TSPAN2: variants seen among roughly 807,000 people sequenced by gnomAD.
TSPAN2 encodes tetraspanin 2, also known as tetraspanin-2.
In TSPAN2, 24 loss-of-function variants were observed where a neutral mutation model predicts 33.3. The observed-to-expected ratio is 0.72, with a 90% CI of 0.52 to 1.01. The LOEUF (loss-of-function observed/expected upper bound fraction) is 1.01, where lower values mean the gene tolerates loss of function less well. TSPAN2 is among the 50% of genes least tolerant of loss of function. The probability of loss-of-function intolerance (pLI) is 0.00; values close to 1 mark genes in which losing one functional copy is unlikely to be tolerated. For missense variants in TSPAN2, 278 were observed against 281.3 expected, an observed-to-expected ratio of 0.99 and a Z score of 0.08; for synonymous variants, 114 against 104.5, an observed-to-expected ratio of 1.09 and a Z score of -0.56.
intron 2 of TSPAN2, among the ~76,000 whole-genome samples, chr1:115,066,355 A>T (rs1647950462): frequency 6.6e-6 from 1 of 152,144 alleles, no homozygotes; most frequent in Admixed American, 6.5e-5. Flanking sequence ...TTATATTCCC[A>T]CCAATAGTGT....
chr1:115,081,571 T>C (rs978031139), intron 1 of TSPAN2, among the ~76,000 whole-genome samples: 2 of 152,178 alleles, frequency 1.3e-5, no homozygotes, highest in African/African-American at 4.8e-5. Context: ...TTCTACGCAT[T>C]TGGGTTTGAA....
intron 1 of TSPAN2, among the ~76,000 whole-genome samples, chr1:115,088,873 C>T (rs1046875786): frequency 1.3e-5 from 2 of 152,192 alleles, no homozygotes; most frequent in African/African-American, 4.8e-5. Flanking sequence ...CCATCACAGC[C>T]AGGTACAGTG....
At position 115,062,284 on chromosome 1, in the gene TSPAN2, C is replaced by T. The variant is rs377155628; in HGVS notation, c.173-52G>A. 65 of 1,420,888 alleles carry T rather than the reference C, an allele frequency of 4.6e-5. 1 individual carries two copies. The highest frequency in any genetic ancestry group is 2.8e-4 in the African/African-American group (20 of 70,618). The allele number at this position is 1,420,888 out of a possible 1,614,324, so 88.0% of individuals were successfully genotyped here. ...ACTGAGAGCCAACCGAGTGCCTCCA[C>T]GACCAACTAGGCTTAAGACTCTGGG... On this transcript the variant is annotated intron_variant, in intron 2 of 7. Transcript: ENST00000369516.
chr1:115,079,092 T>G (rs1648521452), intron 1 of TSPAN2, among the ~76,000 whole-genome samples: 1 of 151,962 alleles, frequency 6.6e-6, no homozygotes, highest in Non-Finnish European at 1.5e-5. Context: ...AATGTATACA[T>G]GCCTTCCACT....
intron 1 of TSPAN2, among the ~76,000 whole-genome samples, chr1:115,088,196 G>C (rs1648918467): frequency 6.6e-6 from 1 of 152,212 alleles, no homozygotes; most frequent in African/African-American, 2.4e-5. Context: ...GCTTGGAGTT[G>C]CTGAAGTCAC....
chr1:115,073,627 T>G (rs1276625289), intron 1 of TSPAN2, among the ~76,000 whole-genome samples: 1 of 151,986 alleles, frequency 6.6e-6, no homozygotes, highest in East Asian at 1.9e-4. Context: ...GGGATGGTTT[T>G]GCTGGTAGGG....
intron 1 of TSPAN2, among the ~76,000 whole-genome samples, chr1:115,075,234 T>C (rs1010717025): frequency 5.9e-5 from 9 of 152,286 alleles, no homozygotes; most frequent in African/African-American, 1.7e-4. Context: ...TTTAAAGCCA[T>C]TGGGCAATGG....
chr1:115,064,137 G>C (rs6537854), intron 2 of TSPAN2, among the ~76,000 whole-genome samples: 52,038 of 152,050 alleles, frequency 0.34, 9,074 homozygotes, highest in East Asian at 0.46. Flanking sequence ...TCAAAACAAC[G>C]TGGTTAGGTA....
chr1:115,089,472 C>G lies in TSPAN2; in HGVS notation c.-40G>C. 1 of 1,402,936 alleles carries G rather than the reference C, an allele frequency of 7.1e-7. No homozygotes were observed. Among genetic ancestry groups the G allele is most frequent in the Non-Finnish European group, 9.3e-7 (1 of 1,069,760 alleles). 86.9% of individuals were successfully genotyped at this position (1,402,936 alleles called of 1,614,324 possible). ...GCGGGATCCCCAGTCCCCAGGCCCG[C>G]GCTACGAGCGCGGGGAGCGGCAGGC... On this transcript the variant is annotated 5_prime_UTR_variant, in exon 1 of 8. Transcript: ENST00000369516.
At chr1:115,074,302 C>T (rs1421435473) in intron 1 of TSPAN2, among the ~76,000 whole-genome samples, 5 of 152,166 alleles carry the variant, frequency 3.3e-5, no homozygotes, top group South Asian at 2.1e-4. Context: ...GCCTTCTGGA[C>T]GATCTGGCTG....
At chr1:115,075,533 C>T (rs1051847041) in intron 1 of TSPAN2, among the ~76,000 whole-genome samples, 2 of 152,182 alleles carry the variant, frequency 1.3e-5, no homozygotes, top group Non-Finnish European at 2.9e-5. Context: ...TCATGGAATG[C>T]TCTGTGTTCA....
chr1:115,057,552 C>T lies in TSPAN2; in HGVS notation c.501G>A (p.Glu167=). 6.2e-7 allele frequency: 1 copy of T among 1,614,160 alleles called. No individual in the cohort carries two copies. ...AGAAGCTTACCTTGTGTCCTAGAAG[C>T]TCCTTTGGGCATGTAGGTTGGACCT... The part of the protein sequence containing the change: ...SEQVQPTCPK[E]LLGHKNCIDE... The change falls in exon 6 of 8, where the codon GAG becomes GAA. Residue 167 remains glutamate (E), a synonymous_variant. Transcript: ENST00000369516.
Position 115,050,394 on chromosome 1 carries a change from CCTAATGTCATTT to C in TSPAN2, c.*84_*95del, listed in dbSNP as rs1410061991. On this transcript the variant is annotated 3_prime_UTR_variant, in exon 8 of 8. Coordinates refer to ENST00000369516, the MANE Select transcript of TSPAN2 (RefSeq NM_005725.6). ...CAATTGACAGCAAATTATTTTAGAT[CCTAATGTCATTT>C]CAGTGTTAAAAATGAGCTGGGAGAC... 2 of 1,097,678 alleles carry C rather than the reference CCTAATGTCATTT, an allele frequency of 1.8e-6. No homozygotes were observed. Among genetic ancestry groups the C allele is most frequent in the East Asian group, 4.8e-5 (2 of 41,904 alleles). 68.0% of individuals were successfully genotyped at this position (1,097,678 alleles called of 1,614,324 possible). A position where few individuals can be genotyped will look rare whatever the true frequency, so the allele number is the denominator to read the frequency against.
chr1:115,073,423 A>C (rs1163936433), intron 1 of TSPAN2, among the ~76,000 whole-genome samples: 5 of 152,288 alleles, frequency 3.3e-5, no homozygotes. Flanking sequence ...ACTATGTCTC[A>C]GCTGCCAGGT....
At chr1:115,059,526 A>G (rs539713783) in intron 4 of TSPAN2, among the ~76,000 whole-genome samples, 31 of 152,342 alleles carry the variant, frequency 2.0e-4, no homozygotes, top group African/African-American at 7.2e-4. Flanking sequence ...CCGGACTTAT[A>G]CATTCCTGTT....
intron 1 of TSPAN2, among the ~76,000 whole-genome samples, chr1:115,078,694 C>T (rs1257558199): frequency 6.6e-6 from 1 of 152,186 alleles, no homozygotes; most frequent in African/African-American, 2.4e-5. Flanking sequence ...AGCACCTGAC[C>T]TCTGACTTCT....
At chr1:115,082,095 AT>A (rs1189947160) in intron 1 of TSPAN2, among the ~76,000 whole-genome samples, 20 of 152,246 alleles carry the variant, frequency 1.3e-4, no homozygotes, top group African/African-American at 4.8e-4. Context: ...TAAATGTCCT[AT>A]ATCTCTGCTG....
At position 115,048,557 on chromosome 1, in the gene TSPAN2, G is replaced by C. The variant is rs1675224585; in HGVS notation, c.*1933C>G. 1 of 151,680 alleles carries C rather than the reference G, an allele frequency of 6.6e-6. No homozygotes were observed. The highest frequency in any genetic ancestry group is 6.6e-5 in the Admixed American group (1 of 15,210). 9.4% of individuals were successfully genotyped at this position (151,680 alleles called of 1,614,324 possible). A position where few individuals can be genotyped will look rare whatever the true frequency, so the allele number is the denominator to read the frequency against. ...TTTAACTATTATAGTCTCCTTTAAAGTTGTTAATTCAGATAGGAAACTAAA... is the reference window on the plus strand; with the variant it reads ...TTTAACTATTATAGTCTCCTTTAAACTTGTTAATTCAGATAGGAAACTAAA... On this transcript the variant is annotated 3_prime_UTR_variant, in exon 8 of 8. Coordinates refer to ENST00000369516, the MANE Select transcript of TSPAN2 (RefSeq NM_005725.6).
intron 2 of TSPAN2, among the ~76,000 whole-genome samples, chr1:115,070,098 A>T (rs936416641): frequency 6.6e-5 from 10 of 152,272 alleles, no homozygotes; most frequent in African/African-American, 2.4e-4. Flanking sequence ...CTGTAGCGCC[A>T]CGCAACGGCC....
Sources: allele counts gnomAD v4.1 joint callset (sites outside exome capture counted in the v4.1 genomes callset), GRCh38; gene constraint gnomAD v4.1.1; transcripts MANE v1.5; gene names NCBI Gene and HGNC (gene_info 2026-07-23, HGNC 2026-07-21).